The following HDAC4 variants were observed in gnomAD, a reference collection of about 807,000 sequenced individuals.
The protein encoded by HDAC4 is histone deacetylase A.
HDAC4 carries 16 observed loss-of-function variants against 135.1 expected under a neutral mutation model. The ratio of observed to expected loss-of-function variants is 0.12; its 90% CI spans 0.08 to 0.18. The LOEUF (loss-of-function observed/expected upper bound fraction) is 0.18, where lower values mean the gene tolerates loss of function less well. Among genes scored for constraint, HDAC4 ranks in the 10% least tolerant of loss-of-function variants. The pLI, the probability that HDAC4 is intolerant of heterozygous loss-of-function variation, is 1.00. For missense variants in HDAC4, 1,143 were observed against 1,511.8 expected (o/e 0.76, Z 4.05); for synonymous variants, 685 against 653.4 (o/e 1.05, Z -0.74).
intron 2 of HDAC4, among the ~76,000 whole-genome samples, chr2:239,265,943 G>A (rs2049698573): frequency 6.6e-6 from 1 of 152,186 alleles, no homozygotes; most frequent in Admixed American, 6.5e-5. Context: ...GATGAGGTGA[G>A]GCCAAAGCGA....
chr2:239,105,859 G>A (rs548410329), intron 15 of HDAC4, among the ~76,000 whole-genome samples: 11 of 152,346 alleles, frequency 7.2e-5, no homozygotes, highest in Non-Finnish European at 1.3e-4. Flanking sequence ...CTGGCAGGCT[G>A]GCACTGGAAG....
In HDAC4 at chr2:239,102,859, T is replaced by C. The variant is rs1186726751; in HGVS notation, c.2150A>G (p.Gln717Arg). ...GGTGTGGGCTTCCGAGTGCACCGTC[T>C]GTAGCTCCTCCAGGGTGGCCTTGCG... ...RGRKATLEELQTVHSEAHTLL... is the reference protein window; with the variant it reads ...RGRKATLEELRTVHSEAHTLL... The change falls in exon 16 of 27, where the codon CAG becomes CGG. Residue 717 changes from glutamine to arginine, a missense_variant. Gln to Arg is a conservative substitution (Grantham distance 43). Around this residue, in one of 9 missense-constraint regions of HDAC4, gnomAD observed 47 missense variants for 117.2 expected, o/e 0.40. Coordinates refer to ENST00000543185, the MANE Select transcript of HDAC4 (RefSeq NM_001378414.1). 5.6e-6 allele frequency: 9 copies of C among 1,613,892 alleles called. No homozygotes were observed. Among genetic ancestry groups the C allele is most frequent in the African/African-American group, 4.0e-5 (3 of 74,934 alleles).
intron 2 of HDAC4, among the ~76,000 whole-genome samples, chr2:239,344,285 G>A (rs1309476536): frequency 2.0e-5 from 3 of 152,048 alleles, no homozygotes; most frequent in African/African-American, 4.8e-5. Flanking sequence ...AATACATACC[G>A]GGAGTTCATT....
Position 239,313,681 on chromosome 2 carries a change from G to A in HDAC4, c.22+38997C>T, listed in dbSNP as rs1027818633. Among the ~76,000 whole-genome samples, 8 of 152,172 alleles carry A rather than the reference G, an allele frequency of 5.3e-5. No individual in the cohort carries two copies. Among genetic ancestry groups the A allele is most frequent in the Non-Finnish European group, 4.4e-5 (3 of 68,046 alleles). ...ATAAGCGCCTCAAAAGAAAGCCAACGTACAGCACTGGTGACAGAAAGGAAG... is the reference window on the plus strand; with the variant it reads ...ATAAGCGCCTCAAAAGAAAGCCAACATACAGCACTGGTGACAGAAAGGAAG... On this transcript the variant is annotated intron_variant, in intron 2 of 26. Transcript: ENST00000543185. The surrounding 1 kb of genome is among the most constrained non-coding windows in gnomAD (Gnocchi z 5.1).
At chr2:239,292,818 C>T (rs898976377) in intron 2 of HDAC4, among the ~76,000 whole-genome samples, 3 of 152,154 alleles carry the variant, frequency 2.0e-5, no homozygotes, top group Non-Finnish European at 4.4e-5. Context: ...CTAGACCGTC[C>T]TTTTAATACC....
chr2:239,080,129 AACAC>A (rs759055206), intron 22 of HDAC4, among the ~76,000 whole-genome samples: 17 of 147,826 alleles, frequency 1.2e-4, no homozygotes, highest in Non-Finnish European at 2.4e-4. Flanking sequence ...GACCCACACA[AACAC>A]ACACACGCAC....
intron 1 of HDAC4, among the ~76,000 whole-genome samples, chr2:239,369,226 C>T (rs1374342459): frequency 6.6e-6 from 1 of 152,186 alleles, no homozygotes; most frequent in East Asian, 1.9e-4. Flanking sequence ...CCCCGACGGT[C>T]CCCTTTCATC....
At chr2:239,341,651 C>T (rs569380951) in intron 2 of HDAC4, among the ~76,000 whole-genome samples, 4 of 152,290 alleles carry the variant, frequency 2.6e-5, no homozygotes, top group African/African-American at 9.6e-5. Context: ...CACTGAGAAA[C>T]ACAGTGTTAA....
At chr2:239,391,533 C>T (rs946896898) in intron 1 of HDAC4, among the ~76,000 whole-genome samples, 2 of 152,124 alleles carry the variant, frequency 1.3e-5, no homozygotes, top group Non-Finnish European at 2.9e-5. Context: ...TCAGAGCCAG[C>T]GGGGGAGGAG....
At chr2:239,250,436 G>T (rs1193385373) in intron 2 of HDAC4, among the ~76,000 whole-genome samples, 1 of 152,246 alleles carries the variant, frequency 6.6e-6, no homozygotes, top group Non-Finnish European at 1.5e-5. Flanking sequence ...GATTCAGATA[G>T]TCCAGGGCCC....
Position 239,289,112 on chromosome 2 carries a change from C to G in HDAC4, c.23-52448G>C, listed in dbSNP as rs890599222. 2.6e-5 allele frequency among the ~76,000 whole-genome samples: 4 copies of G among 152,250 alleles called. No homozygotes were observed. The East Asian group carries it at 7.7e-4, about 29-fold the overall frequency. ...GATTGAACTTGGAGGATGAGCTGGC[C>G]GCACAGCTATCCCAGAGAAAGGGTG... is the stretch of plus-strand genomic sequence containing the variant. On this transcript the variant is annotated intron_variant, in intron 2 of 26. Coordinates refer to ENST00000543185, the MANE Select transcript of HDAC4 (RefSeq NM_001378414.1).
intron 1 of HDAC4, among the ~76,000 whole-genome samples, chr2:239,383,670 G>A (rs567590712): frequency 2.0e-5 from 3 of 152,050 alleles, no homozygotes; most frequent in South Asian, 2.1e-4. Flanking sequence ...AGAAAGCGCG[G>A]CAACGACACC....
intron 8 of HDAC4, among the ~76,000 whole-genome samples, chr2:239,142,682 C>G (rs920613065): frequency 6.7e-6 from 1 of 148,330 alleles, no homozygotes; most frequent in African/African-American, 2.6e-5. Context: ...TGGGTGAGCT[C>G]GGCACTGATC....
chr2:239,347,414 T>C (rs892965050), intron 2 of HDAC4, among the ~76,000 whole-genome samples: 21 of 152,274 alleles, frequency 1.4e-4, no homozygotes, highest in African/African-American at 3.4e-4. Context: ...TTTAGCTGCT[T>C]TTATGTGGAT....
intron 3 of HDAC4, 113 bp downstream of exon 3, chr2:239,236,480 C>G (rs1231511800): frequency 1.2e-6 from 1 of 823,166 alleles, no homozygotes. Flanking sequence ...GAACCTGATA[C>G]CCCACACCTC....
chr2:239,115,401 G>A lies in HDAC4; in HGVS notation c.1534-91C>T. 6.5e-7 allele frequency: 1 copy of A among 1,528,186 alleles called. No homozygotes were observed. The highest frequency in any genetic ancestry group is 9.0e-7 in the Non-Finnish European group (1 of 1,114,148). The allele number at this position is 1,528,186 out of a possible 1,614,324, so 94.7% of individuals were successfully genotyped here. On this transcript the variant is annotated intron_variant, in intron 12 of 26. Transcript: ENST00000543185. This position sits in a 1 kb window ranked among gnomAD's most constrained non-coding sequence, Gnocchi z 6.3. Reference sequence around the variant, plus strand: ...AGGGATGCTGCAAACCCCACCCTCTGGGGCAGACAATCAGGGACTCAGGGC... The same window carrying A: ...AGGGATGCTGCAAACCCCACCCTCTAGGGCAGACAATCAGGGACTCAGGGC...
At chr2:239,077,632 C>T (rs560165647) in intron 22 of HDAC4, among the ~76,000 whole-genome samples, 7 of 152,372 alleles carry the variant, frequency 4.6e-5, no homozygotes, top group African/African-American at 1.7e-4. Flanking sequence ...GACATAATTG[C>T]TTTTAGAAAA....
At chr2:239,073,197 G>A (rs1457342489) in intron 22 of HDAC4, among the ~76,000 whole-genome samples, 1 of 152,222 alleles carries the variant, frequency 6.6e-6, no homozygotes, top group African/African-American at 2.4e-5. Flanking sequence ...ACCCTGGGTG[G>A]CTTCTGAGCA....
intron 2 of HDAC4, among the ~76,000 whole-genome samples, chr2:239,319,437 A>T (rs2053233330): frequency 6.6e-6 from 1 of 152,264 alleles, no homozygotes; most frequent in South Asian, 2.1e-4. Flanking sequence ...GGTCAGGCAC[A>T]GGCCAGGCGA....
Sources: allele counts gnomAD v4.1 joint callset (sites outside exome capture counted in the v4.1 genomes callset), GRCh38; gene constraint gnomAD v4.1.1; regional missense constraint gnomAD v4.1.1; non-coding constraint Gnocchi (gnomAD v3.1); transcripts MANE v1.5; gene names NCBI Gene and HGNC (gene_info 2026-07-23, HGNC 2026-07-21).